Variants in DCT observed in about 807,000 individuals in gnomAD.
The protein encoded by DCT is dopachrome tautomerase, also known as L-dopachrome tautomerase.
In DCT, 47 loss-of-function variants were observed where a neutral mutation model predicts 53.0. That is an observed-to-expected ratio of 0.89 (90% confidence interval 0.70 to 1.13). The LOEUF (loss-of-function observed/expected upper bound fraction) is 1.13. Ranked by LOEUF, DCT falls within the 50% of genes most tolerant of loss-of-function variation. The pLI is 0.00. For missense variants in DCT, 669 were observed against 637.4 expected (o/e 1.05, Z -0.53); for synonymous variants, 244 against 237.0 (o/e 1.03, Z -0.27).
At chr13:94,463,378 C>T (rs28577174) in intron 4 of DCT, among the ~76,000 whole-genome samples, 45,280 of 151,068 alleles carry the variant, frequency 0.3, 7,188 homozygotes, top group Middle Eastern at 0.4. Context: ...TGAGTTCAAG[C>T]AATTCTCCTA....
the DCT span, among the ~76,000 whole-genome samples, chr13:94,507,503 C>T: frequency 2.1e-5 from 3 of 140,270 alleles, no homozygotes; most frequent in South Asian, 4.5e-4. Flanking sequence ...GGTATATTGA[C>T]TTTTTTTTTT....
chr13:94,519,214 G>A, the DCT span, among the ~76,000 whole-genome samples: 1 of 152,126 alleles, frequency 6.6e-6, no homozygotes, highest in Non-Finnish European at 1.5e-5. Context: ...AACTACTTGG[G>A]TAGTTATTTG....
upstream of DCT, among the ~76,000 whole-genome samples, chr13:94,482,522 A>G (rs140237841): frequency 5.3e-5 from 8 of 152,166 alleles, no homozygotes; most frequent in African/African-American, 1.9e-4. Context: ...TCTTCATAGC[A>G]CTTATCACCA....
the DCT span, among the ~76,000 whole-genome samples, chr13:94,531,648 G>C: frequency 6.6e-6 from 1 of 152,164 alleles, no homozygotes; most frequent in Non-Finnish European, 1.5e-5. Flanking sequence ...ACTCAAGATG[G>C]ATTAAAGATT....
intron 5 of DCT, among the ~76,000 whole-genome samples, chr13:94,460,997 T>C (rs573394192): frequency 8.2e-4 from 125 of 152,264 alleles, no homozygotes; most frequent in African/African-American, 2.7e-3. Context: ...TTGTGCTAAG[T>C]GTAGCATGGC....
the DCT span, among the ~76,000 whole-genome samples, chr13:94,496,681 T>G: frequency 2.4e-4 from 37 of 152,150 alleles, no homozygotes; most frequent in African/African-American, 7.2e-4. Flanking sequence ...ATTTAATAGG[T>G]TGAGCATCCC....
At chr13:94,513,007 T>C in the DCT span, among the ~76,000 whole-genome samples, 1 of 152,330 alleles carries the variant, frequency 6.6e-6, no homozygotes, top group African/African-American at 2.4e-5. Flanking sequence ...GAGCAAAAGT[T>C]TGGGTGAGGC....
chr13:94,512,796 G>A, the DCT span, among the ~76,000 whole-genome samples: 72,369 of 152,002 alleles, frequency 0.48, 19,156 homozygotes, highest in African/African-American at 0.7. Context: ...GGAGCTAGAA[G>A]AGAAACACAT....
At chr13:94,474,805 T>G (rs1884970283) in intron 1 of DCT, among the ~76,000 whole-genome samples, 1 of 152,202 alleles carries the variant, frequency 6.6e-6, no homozygotes, top group African/African-American at 2.4e-5. Context: ...ATTTAGAGTT[T>G]TAAAAAACAA....
At chr13:94,484,483 C>T (rs947755863), upstream of DCT, among the ~76,000 whole-genome samples, 3 of 152,180 alleles carry the variant, frequency 2.0e-5, no homozygotes, top group Non-Finnish European at 4.4e-5. Flanking sequence ...CTTTTGAGGT[C>T]TGTATTAGTT....
chr13:94,461,135 A>G (rs1883759754), intron 5 of DCT, among the ~76,000 whole-genome samples: 1 of 152,214 alleles, frequency 6.6e-6, no homozygotes, highest in African/African-American at 2.4e-5. Context: ...ATTAAAACAG[A>G]TTGCATTTTC....
chr13:94,488,717 AATAT>A, the DCT span, among the ~76,000 whole-genome samples: 28 of 91,532 alleles, frequency 3.1e-4, no homozygotes, highest in African/African-American at 1.2e-3. Context: ...CTTCTTGTCT[AATAT>A]ATACACACAC....
chr13:94,529,278 G>A, the DCT span, among the ~76,000 whole-genome samples: 13 of 152,058 alleles, frequency 8.5e-5, no homozygotes, highest in Non-Finnish European at 1.9e-4. Flanking sequence ...CTCAGCTCTG[G>A]ACCAAGTGGA....
At chr13:94,457,600 CAG>C (rs1332219414) in intron 6 of DCT, among the ~76,000 whole-genome samples, 2 of 152,154 alleles carry the variant, frequency 1.3e-5, no homozygotes, top group Non-Finnish European at 2.9e-5. Context: ...TGGAGAAAAA[CAG>C]AGAGTCTTTG....
the DCT span, among the ~76,000 whole-genome samples, chr13:94,533,662 C>G: frequency 4.4e-4 from 67 of 152,026 alleles, no homozygotes; most frequent in Non-Finnish European, 4.4e-5. Context: ...GTGCATGCCT[C>G]TAGTCCCAGC....
intron 1 of DCT, among the ~76,000 whole-genome samples, chr13:94,476,291 T>A (rs1016383524): frequency 1.4e-5 from 2 of 146,280 alleles, no homozygotes; most frequent in African/African-American, 5.1e-5. Context: ...GAAATAGCAA[T>A]GATCCCTTCT....
intron 6 of DCT, among the ~76,000 whole-genome samples, chr13:94,447,755 A>G (rs752254207): frequency 7.9e-5 from 12 of 152,230 alleles, no homozygotes; most frequent in Non-Finnish European, 1.5e-4. Context: ...TCAGGACACA[A>G]GGAAGATGCA....
the DCT span, among the ~76,000 whole-genome samples, chr13:94,493,036 G>A: frequency 6.6e-6 from 1 of 152,138 alleles, no homozygotes; most frequent in South Asian, 2.1e-4. Context: ...CATTGTGCTT[G>A]GAACGTTCAT....
intron 4 of DCT, among the ~76,000 whole-genome samples, chr13:94,464,239 G>T (rs1884009796): frequency 1.3e-5 from 2 of 152,232 alleles, no homozygotes; most frequent in Admixed American, 1.3e-4. Flanking sequence ...ACCTATGCAG[G>T]CTCAGGGTGT....
Sources: gnomAD v4.1 joint callset for allele counts (sites outside exome capture counted in the v4.1 genomes callset) on GRCh38, gnomAD v4.1.1 for gene constraint, MANE v1.5 for transcripts, NCBI Gene and HGNC (gene_info 2026-07-23, HGNC 2026-07-21) for gene names.